The following SPOCK1 variants were observed in gnomAD, a reference collection of about 807,000 sequenced individuals.
SPOCK1 encodes testican-1.
SPOCK1 carries 23 observed loss-of-function variants against 55.3 expected under a neutral mutation model. The ratio of observed to expected loss-of-function variants is 0.42; its 90% CI spans 0.30 to 0.59. The LOEUF (loss-of-function observed/expected upper bound fraction) is 0.59. Ranked by LOEUF, SPOCK1 falls within the 20% of genes least tolerant of loss-of-function variation. The pLI, the probability that SPOCK1 is intolerant of heterozygous loss-of-function variation, is 0.22. For synonymous variants in SPOCK1, 226 were observed against 221.0 expected (o/e 1.02, Z -0.20); for missense variants, 499 against 552.5 (o/e 0.90, Z 0.97).
At chr5:137,098,519 T>C (rs1161798912) in intron 5 of SPOCK1, among the ~76,000 whole-genome samples, 2 of 152,234 alleles carry the variant, frequency 1.3e-5, no homozygotes, top group Admixed American at 1.3e-4. Context: ...GAAAAGTCTG[T>C]GACCTCATCC....
chr5:137,278,233 CCAGCCTTTGGATCCACTTACA>C (rs1485968046), intron 2 of SPOCK1, among the ~76,000 whole-genome samples: 1 of 152,212 alleles, frequency 6.6e-6, no homozygotes, highest in Non-Finnish European at 1.5e-5. Context: ...TCCTGAGGCT[CCAGCCTTTGGATCCACTTACA>C]CAGCAGACGC....
chr5:137,493,269 T>G (rs1175287643), intron 2 of SPOCK1, among the ~76,000 whole-genome samples: 2 of 152,218 alleles, frequency 1.3e-5, no homozygotes, highest in African/African-American at 4.8e-5. Context: ...ATTATTTAAT[T>G]ACTAACATTA....
Position 137,034,973 on chromosome 5 carries a change from G to A in SPOCK1, c.589+32742C>T, listed in dbSNP as rs146229644. On this transcript the variant is annotated intron_variant, in intron 6 of 10. Coordinates refer to ENST00000394945, the MANE Select transcript of SPOCK1 (RefSeq NM_004598.4). ...CTGCCCAGCCTTGGTGGGGGTGGGA[G>A]GGGGCATTGGCTACCTCCAGAGTGG... Among the ~76,000 whole-genome samples the A allele has an allele frequency of 1.5e-4, 23 of 152,308 alleles. No individual in the cohort carries two copies. In the East Asian group the frequency reaches 4.4e-3, roughly 29 times the overall value.
intron 2 of SPOCK1, among the ~76,000 whole-genome samples, chr5:137,373,645 C>A (rs1194544601): frequency 6.6e-6 from 1 of 152,176 alleles, no homozygotes; most frequent in East Asian, 1.9e-4. Context: ...GTGGCACATC[C>A]CATGTGTACT....
chr5:137,250,168 A>C (rs1561484160), intron 3 of SPOCK1, among the ~76,000 whole-genome samples: 1 of 152,240 alleles, frequency 6.6e-6, no homozygotes, highest in Non-Finnish European at 1.5e-5. Flanking sequence ...ATTTTATTAA[A>C]ATGCAGCCAC....
intron 2 of SPOCK1, among the ~76,000 whole-genome samples, chr5:137,437,672 G>T (rs1485170694): frequency 1.3e-5 from 2 of 152,110 alleles, no homozygotes; most frequent in African/African-American, 4.8e-5. Context: ...CATATAATTT[G>T]TAAAGATCAA....
intron 3 of SPOCK1, among the ~76,000 whole-genome samples, chr5:137,159,886 A>G (rs1260871626): frequency 6.6e-6 from 1 of 151,978 alleles, no homozygotes; most frequent in East Asian, 1.9e-4. Flanking sequence ...TTTTACTTTA[A>G]TTTTTTTGCC....
intron 3 of SPOCK1, among the ~76,000 whole-genome samples, chr5:137,220,446 T>G (rs1002348466): frequency 2.0e-5 from 3 of 152,210 alleles, no homozygotes; most frequent in Non-Finnish European, 2.9e-5. Flanking sequence ...CGCAAGGAAC[T>G]GTACTTTACA....
intron 3 of SPOCK1, among the ~76,000 whole-genome samples, chr5:137,149,150 T>G (rs1434660): frequency 0.56 from 84,910 of 152,100 alleles, 24,889 homozygotes; most frequent in African/African-American, 0.72. Context: ...GAAACAATAG[T>G]GACCAGGTGA....
At chr5:137,043,835 C>A (rs1752048798) in intron 6 of SPOCK1, among the ~76,000 whole-genome samples, 1 of 152,078 alleles carries the variant, frequency 6.6e-6, no homozygotes, top group African/African-American at 2.4e-5. Context: ...TGGATGAGAT[C>A]CTGGAACAGA....
chr5:137,164,019 T>C (rs1423187316), intron 3 of SPOCK1, among the ~76,000 whole-genome samples: 2 of 152,208 alleles, frequency 1.3e-5, no homozygotes, highest in African/African-American at 4.8e-5. Flanking sequence ...AATGCTTATA[T>C]GCTGTTAAAC....
intron 2 of SPOCK1, among the ~76,000 whole-genome samples, chr5:137,339,990 C>T (rs1750382899): frequency 6.6e-6 from 1 of 152,300 alleles, no homozygotes; most frequent in African/African-American, 2.4e-5. Flanking sequence ...TCCTAGTCTT[C>T]TCATCCTTCC....
intron 6 of SPOCK1, among the ~76,000 whole-genome samples, chr5:136,998,852 C>G (rs1195851669): frequency 6.6e-6 from 1 of 152,224 alleles, no homozygotes; most frequent in Non-Finnish European, 1.5e-5. Flanking sequence ...AAAGACAGCT[C>G]TCTCCCCCAG....
Position 137,498,456 on chromosome 5 carries a change from G to A in SPOCK1, c.103C>T (p.His35Tyr). ...TGGTCATTGTCTAGGAAATTGCCGT[G>A]GTTGGGGCCCGCGCCTCCGGCGAGC... ...DALAGGAGPNHGNFLDNDQWL... is the reference protein window; with the variant it reads ...DALAGGAGPNYGNFLDNDQWL... Residue 35 changes from histidine (H) to tyrosine (Y), a missense_variant, in exon 2 of 11, where the codon CAC becomes TAC. Around this residue, in one of 3 missense-constraint regions of SPOCK1, gnomAD observed 386 missense variants for 400.6 expected, o/e 0.96. Transcript: ENST00000394945. 1 of 1,610,346 alleles carries A rather than the reference G, an allele frequency of 6.2e-7. No individual in the cohort carries two copies. Among genetic ancestry groups the A allele is most frequent in the Non-Finnish European group, 8.5e-7 (1 of 1,179,084 alleles).
intron 2 of SPOCK1, among the ~76,000 whole-genome samples, chr5:137,354,848 C>G (rs1411684156): frequency 6.6e-6 from 1 of 152,142 alleles, no homozygotes; most frequent in Non-Finnish European, 1.5e-5. Context: ...AACCTGCTTT[C>G]AGGTATCACT....
At chr5:137,165,624 G>T (rs1191723311) in intron 3 of SPOCK1, among the ~76,000 whole-genome samples, 1 of 152,176 alleles carries the variant, frequency 6.6e-6, no homozygotes, top group Non-Finnish European at 1.5e-5. Context: ...CTTTCAGACA[G>T]AGAATTCAAA....
chr5:137,298,009 A>G (rs1393489333), intron 2 of SPOCK1, among the ~76,000 whole-genome samples: 2 of 152,226 alleles, frequency 1.3e-5, no homozygotes, highest in Non-Finnish European at 2.9e-5. Context: ...CTGGAATCAG[A>G]CAGACGTGGC....
intron 2 of SPOCK1, among the ~76,000 whole-genome samples, chr5:137,377,776 C>A (rs1349023279): frequency 6.6e-6 from 1 of 152,122 alleles, no homozygotes; most frequent in African/African-American, 2.4e-5. Flanking sequence ...AACCCCTTGA[C>A]ATTCTCTACA....
chr5:137,445,584 A>C (rs1159807214), intron 2 of SPOCK1, among the ~76,000 whole-genome samples: 1 of 152,176 alleles, frequency 6.6e-6, no homozygotes, highest in Non-Finnish European at 1.5e-5. Flanking sequence ...TGCAAACATT[A>C]TTTCCCAAGA....
Sources: allele counts gnomAD v4.1 joint callset (sites outside exome capture counted in the v4.1 genomes callset), GRCh38; gene constraint gnomAD v4.1.1; regional missense constraint gnomAD v4.1.1; transcripts MANE v1.5; gene names NCBI Gene and HGNC (gene_info 2026-07-23, HGNC 2026-07-21).